PDE10A: variants seen among roughly 807,000 people sequenced by gnomAD.
PDE10A encodes cAMP and cAMP-inhibited cGMP 3',5'-cyclic phosphodiesterase 10A.
PDE10A carries 39 observed loss-of-function variants against 97.7 expected under a neutral mutation model. The observed-to-expected ratio is 0.40, with a 90% CI of 0.31 to 0.52. The LOEUF (loss-of-function observed/expected upper bound fraction) is 0.52, where lower values mean the gene tolerates loss of function less well. Ranked by LOEUF, PDE10A falls within the 20% of genes least tolerant of loss-of-function variation. The probability of loss-of-function intolerance (pLI) is 0.56; values close to 1 mark genes in which losing one functional copy is unlikely to be tolerated. For synonymous variants in PDE10A, 371 were observed against 376.8 expected (o/e 0.98, Z 0.18); for missense variants, 731 against 1,047.8 (o/e 0.70, Z 4.17).
chr6:165,804,693 A>T, intron 1 of PDE10A, among the ~76,000 whole-genome samples: 1 of 151,854 alleles, frequency 6.6e-6, no homozygotes, highest in Non-Finnish European at 1.5e-5. Context: ...CGCGAAGGGG[A>T]AGAGCAGAGG....
At chr6:165,935,188 G>A (rs1472517740) in intron 1 of PDE10A, among the ~76,000 whole-genome samples, 1 of 152,212 alleles carries the variant, frequency 6.6e-6, no homozygotes, top group Admixed American at 6.5e-5. Flanking sequence ...CAGCAAGAGA[G>A]AGCTGTGGAA....
chr6:165,930,441 C>A (rs1783096755), intron 1 of PDE10A, among the ~76,000 whole-genome samples: 2 of 152,166 alleles, frequency 1.3e-5, no homozygotes, highest in South Asian at 2.1e-4. Context: ...ATGGACATGA[C>A]CAACTGGATC....
intron 1 of PDE10A, among the ~76,000 whole-genome samples, chr6:165,943,005 A>G (rs1002754495): frequency 2.6e-5 from 4 of 151,542 alleles, no homozygotes; most frequent in Admixed American, 6.6e-5. Context: ...CATGCATTTC[A>G]TCAAGACAAG....
chr6:165,791,470 C>T (rs1251611654), intron 1 of PDE10A, among the ~76,000 whole-genome samples: 6 of 152,218 alleles, frequency 3.9e-5, no homozygotes, highest in South Asian at 2.1e-4. Flanking sequence ...CTATTGTGAA[C>T]GGCGCTGCCA....
intron 1 of PDE10A, among the ~76,000 whole-genome samples, chr6:165,980,928 G>A (rs1784994786): frequency 6.6e-6 from 1 of 152,156 alleles, no homozygotes; most frequent in Admixed American, 6.5e-5. Flanking sequence ...CCTGCTAACA[G>A]GTGAAGATAA....
intron 1 of PDE10A, among the ~76,000 whole-genome samples, chr6:165,846,197 TTTCACCTACAAG>T (rs1355855342): frequency 1.3e-5 from 2 of 152,180 alleles, no homozygotes; most frequent in Non-Finnish European, 2.9e-5. Flanking sequence ...GATACGGTCA[TTTCACCTACAAG>T]CCTGGGACAG....
chr6:165,436,467 G>A (rs1429395089), intron 5 of PDE10A, among the ~76,000 whole-genome samples: 1 of 152,076 alleles, frequency 6.6e-6, no homozygotes, highest in Non-Finnish European at 1.5e-5. Context: ...TGAACAAGGA[G>A]GAAGGGAGAG....
chr6:165,915,694 G>A (rs1305760120), intron 1 of PDE10A, among the ~76,000 whole-genome samples: 4 of 152,216 alleles, frequency 2.6e-5, no homozygotes, highest in Non-Finnish European at 5.9e-5. Flanking sequence ...ACACAAGGCC[G>A]TGTCATTTGA....
chr6:165,881,852 T>A (rs1247789943), intron 1 of PDE10A, among the ~76,000 whole-genome samples: 1 of 152,172 alleles, frequency 6.6e-6, no homozygotes, highest in Non-Finnish European at 1.5e-5. Context: ...TACATATATA[T>A]TTTTTTCTCT....
At chr6:165,739,471 C>A (rs1421604144) in intron 1 of PDE10A, among the ~76,000 whole-genome samples, 1 of 152,100 alleles carries the variant, frequency 6.6e-6, no homozygotes, top group Non-Finnish European at 1.5e-5. Context: ...TGCCTCACAC[C>A]ATATACAAAA....
intron 1 of PDE10A, among the ~76,000 whole-genome samples, chr6:165,830,312 G>A (rs759349703): frequency 2.0e-5 from 3 of 152,202 alleles, no homozygotes; most frequent in Non-Finnish European, 4.4e-5. Context: ...TTTCCTTTGC[G>A]TGGGAGCTGC....
intron 1 of PDE10A, among the ~76,000 whole-genome samples, chr6:165,796,534 T>C (rs2128464670): frequency 6.6e-6 from 1 of 152,352 alleles, no homozygotes; most frequent in Non-Finnish European, 1.5e-5. Flanking sequence ...TTGGGGGATG[T>C]ATATAAATCA....
intron 1 of PDE10A, among the ~76,000 whole-genome samples, chr6:165,588,636 C>T (rs573099760): frequency 6.6e-6 from 1 of 152,166 alleles, no homozygotes; most frequent in East Asian, 1.9e-4. Flanking sequence ...CAAGTCAGTA[C>T]TTTCAGATAT....
chr6:165,335,720 G>A (rs1214080765), intron 21 of PDE10A, among the ~76,000 whole-genome samples: 2 of 151,988 alleles, frequency 1.3e-5, no homozygotes, highest in Non-Finnish European at 2.9e-5. Flanking sequence ...CTTTCTCAAA[G>A]AAAGACCTGG....
rs567307394 is a variant in PDE10A, at chr6:165,928,643, G to C, written c.-615+58886C>G. 1.7e-3 allele frequency among the ~76,000 whole-genome samples: 259 copies of C among 152,320 alleles called. 1 individual carries two copies. The highest frequency in any genetic ancestry group is 6.0e-3 in the African/African-American group (249 of 41,580). On this transcript the variant is annotated intron_variant, in intron 1 of 19. Transcript: ENST00000366882. The stretch of plus-strand genomic sequence containing the variant: ...TCTACAGGAAATAAAAGGCAAAGCT[G>C]TCTTCATATTTGAAACCTGGTGGTG...
At chr6:165,420,426 A>C (rs571991538) in intron 10 of PDE10A, among the ~76,000 whole-genome samples, 1 of 152,312 alleles carries the variant, frequency 6.6e-6, no homozygotes, top group African/African-American at 2.4e-5. Flanking sequence ...TTGAGGAAAA[A>C]TGAATGACAT....
intron 1 of PDE10A, among the ~76,000 whole-genome samples, chr6:165,680,943 G>A (rs1334016047): frequency 6.6e-6 from 1 of 152,152 alleles, no homozygotes; most frequent in East Asian, 1.9e-4. Flanking sequence ...TCCCTTATAT[G>A]TTTTAGGGTG....
intron 1 of PDE10A, among the ~76,000 whole-genome samples, chr6:165,571,984 C>T (rs1785069839): frequency 6.6e-6 from 1 of 152,166 alleles, no homozygotes; most frequent in Non-Finnish European, 1.5e-5. Flanking sequence ...AAGCTGTGCA[C>T]CCTACTAACA....
chr6:165,875,980 T>C (rs944070961), intron 1 of PDE10A, among the ~76,000 whole-genome samples: 2 of 152,236 alleles, frequency 1.3e-5, no homozygotes, highest in African/African-American at 2.4e-5. Context: ...AGTGGCTTTT[T>C]AAAGAAGCTT....
Sources: allele counts gnomAD v4.1 joint callset (sites outside exome capture counted in the v4.1 genomes callset), GRCh38; gene constraint gnomAD v4.1.1; transcripts MANE v1.5; gene names NCBI Gene and HGNC (gene_info 2026-07-23, HGNC 2026-07-21).